CTNNA2: variants seen among roughly 807,000 people sequenced by gnomAD.
CTNNA2 encodes catenin alpha-2.
In CTNNA2, 42 loss-of-function variants were observed where a neutral mutation model predicts 101.0. The observed-to-expected ratio is 0.42, with a 90% CI of 0.32 to 0.54. The LOEUF (loss-of-function observed/expected upper bound fraction) is 0.54. Ranked by LOEUF, CTNNA2 falls within the 20% of genes least tolerant of loss-of-function variation. CTNNA2 has a pLI of 0.14. For synonymous variants in CTNNA2, 450 were observed against 456.4 expected, an observed-to-expected ratio of 0.99 and a Z score of 0.18; for missense variants, 871 against 1,223.1, an observed-to-expected ratio of 0.71 and a Z score of 4.29.
intron 3 of CTNNA2, among the ~76,000 whole-genome samples, chr2:79,365,473 T>A (rs1433762847): frequency 6.6e-6 from 1 of 150,970 alleles, no homozygotes; most frequent in African/African-American, 2.4e-5. Context: ...ATTTTTTTTT[T>A]AAATTAGCCA....
chr2:79,930,296 GAAAGAA>G (rs1354014661), intron 7 of CTNNA2, among the ~76,000 whole-genome samples: 1 of 15,974 alleles, frequency 6.3e-5, no homozygotes, highest in African/African-American at 2.7e-4. Flanking sequence ...GAGAGAAAGA[GAAAGAA>G]AGAAAGAAAG....
intron 7 of CTNNA2, among the ~76,000 whole-genome samples, chr2:80,264,762 G>A (rs1028081953): frequency 1.3e-5 from 2 of 152,142 alleles, no homozygotes; most frequent in Admixed American, 1.3e-4. Context: ...AAGGATCGAG[G>A]TGGTGATACT....
intron 2 of CTNNA2, among the ~76,000 whole-genome samples, chr2:79,721,143 A>AT (rs922952823): frequency 1.3e-5 from 2 of 151,542 alleles, no homozygotes; most frequent in African/African-American, 4.8e-5. Context: ...GCAGTTTGGT[A>AT]TTTTTTGTAT....
At chr2:79,463,448 T>C (rs1368813233) in intron 4 of CTNNA2, among the ~76,000 whole-genome samples, 1 of 151,550 alleles carries the variant, frequency 6.6e-6, no homozygotes. Flanking sequence ...TGAGATGTTG[T>C]GTTTAGGCAT....
At chr2:80,350,031 T>C (rs932111127) in intron 7 of CTNNA2, among the ~76,000 whole-genome samples, 7 of 152,174 alleles carry the variant, frequency 4.6e-5, no homozygotes, top group Non-Finnish European at 5.9e-5. Flanking sequence ...AGGAAGATAT[T>C]TAAAATACAA....
At chr2:80,439,432 C>T (rs1339455531) in intron 9 of CTNNA2, among the ~76,000 whole-genome samples, 1 of 152,134 alleles carries the variant, frequency 6.6e-6, no homozygotes, top group Non-Finnish European at 1.5e-5. Flanking sequence ...CACTCTGTCT[C>T]CCAGGCTGCA....
At chr2:79,783,576 G>A (rs1480943234) in intron 3 of CTNNA2, among the ~76,000 whole-genome samples, 1 of 152,106 alleles carries the variant, frequency 6.6e-6, no homozygotes, top group Admixed American at 6.5e-5. Context: ...GGGAAGAGTG[G>A]CTTACCTTCT....
At chr2:80,173,950 A>C (rs1374144341) in intron 7 of CTNNA2, among the ~76,000 whole-genome samples, 1 of 152,188 alleles carries the variant, frequency 6.6e-6, no homozygotes, top group Non-Finnish European at 1.5e-5. Flanking sequence ...AACACCCTCT[A>C]CTGACATAAT....
chr2:80,402,873 G>A (rs1678692939), intron 8 of CTNNA2, among the ~76,000 whole-genome samples: 1 of 150,584 alleles, frequency 6.6e-6, no homozygotes, highest in Non-Finnish European at 1.5e-5. Context: ...GCATAGGTTA[G>A]AAGTGAATGG....
intron 9 of CTNNA2, among the ~76,000 whole-genome samples, chr2:80,528,258 T>C (rs1347956020): frequency 6.6e-6 from 1 of 152,112 alleles, no homozygotes; most frequent in Non-Finnish European, 1.5e-5. Context: ...TACAGTGGCG[T>C]GATCTTGGCT....
intron 18 of CTNNA2, among the ~76,000 whole-genome samples, chr2:80,636,560 A>AG (rs1263737557): frequency 6.6e-6 from 1 of 152,158 alleles, no homozygotes; most frequent in Non-Finnish European, 1.5e-5. Flanking sequence ...GAATGAGGTA[A>AG]GGTGGTGTCA....
chr2:80,476,531 T>G (rs1685745105), intron 9 of CTNNA2, among the ~76,000 whole-genome samples: 1 of 152,220 alleles, frequency 6.6e-6, no homozygotes, highest in Non-Finnish European at 1.5e-5. Context: ...CAGGCAATTG[T>G]TTTACAACTA....
At chr2:80,371,274 A>G (rs78719953) in intron 7 of CTNNA2, among the ~76,000 whole-genome samples, 3,308 of 152,302 alleles carry the variant, frequency 0.022, 50 homozygotes, top group Middle Eastern at 0.037. Flanking sequence ...GTCACATGAT[A>G]GGCACTCAGA....
At chr2:80,534,805 C>A (rs1264781976) in intron 9 of CTNNA2, among the ~76,000 whole-genome samples, 1 of 152,100 alleles carries the variant, frequency 6.6e-6, no homozygotes, top group Admixed American at 6.5e-5. Flanking sequence ...AGTGCCATAA[C>A]AATTTTCCTG....
intron 12 of CTNNA2, among the ~76,000 whole-genome samples, chr2:80,561,827 A>ATTTTTTTTTT (rs368503035): frequency 4.9e-5 from 6 of 123,578 alleles, no homozygotes; most frequent in African/African-American, 6.1e-5. Flanking sequence ...CGCCTGGCTA[A>ATTTTTTTTTT]TTTTTTTTTT....
At chr2:79,510,961 C>T (rs143090402), upstream of CTNNA2, among the ~76,000 whole-genome samples, 2 of 152,160 alleles carry the variant, frequency 1.3e-5, no homozygotes, top group African/African-American at 2.4e-5. Flanking sequence ...TAAATGTAAG[C>T]CTAATTACAA....
chr2:79,991,990 TGCACCACAAA>T lies in CTNNA2; in HGVS notation c.1056+82194_1056+82203del, dbSNP rs150106518. ...AAGGTAAAATTTGTTTTGTTTCTTTTGCACCACAAATGCCTTAAAAATCCAATCTTGGTAT... is the reference window on the plus strand; with the variant it reads ...AAGGTAAAATTTGTTTTGTTTCTTTTTGCCTTAAAAATCCAATCTTGGTAT... On this transcript the variant is annotated intron_variant, in intron 7 of 18. Transcript: ENST00000402739. 5.4e-3 allele frequency among the ~76,000 whole-genome samples: 825 copies of T among 152,300 alleles called. 26 individuals are homozygous for T. The East Asian group carries it at 0.087, about 16-fold the overall frequency.
chr2:79,494,194 A>G (rs1184798962), intron 4 of CTNNA2, among the ~76,000 whole-genome samples: 1 of 152,182 alleles, frequency 6.6e-6, no homozygotes, highest in African/African-American at 2.4e-5. Flanking sequence ...AAATGTTAAG[A>G]TATCTCATGT....
chr2:79,822,869 C>G (rs1441430029), intron 3 of CTNNA2, among the ~76,000 whole-genome samples: 1 of 152,142 alleles, frequency 6.6e-6, no homozygotes. Flanking sequence ...TCTGCCTGCT[C>G]TCCCTCCCTT....
Sources: gnomAD v4.1 joint callset for allele counts (sites outside exome capture counted in the v4.1 genomes callset) on GRCh38, gnomAD v4.1.1 for gene constraint, MANE v1.5 for transcripts, NCBI Gene and HGNC (gene_info 2026-07-23, HGNC 2026-07-21) for gene names.